SPEF2: variants seen among roughly 807,000 people sequenced by gnomAD.
SPEF2 encodes the protein sperm flagella and cilia-associated protein 2.
In SPEF2, 187 loss-of-function variants were observed where a neutral mutation model predicts 224.6. The ratio of observed to expected loss-of-function variants is 0.83; its 90% CI spans 0.74 to 0.94. The LOEUF (loss-of-function observed/expected upper bound fraction) is 0.94, where lower values mean the gene tolerates loss of function less well. Ranked by LOEUF, SPEF2 falls within the 40% of genes least tolerant of loss-of-function variation. The pLI is 0.00. For synonymous variants in SPEF2, 715 were observed against 707.3 expected (o/e 1.01, Z -0.17); for missense variants, 2,170 against 2,135.6 (o/e 1.02, Z -0.32).
chr5:35,660,139 C>T (rs546227504), intron 8 of SPEF2, among the ~76,000 whole-genome samples: 97 of 152,032 alleles, frequency 6.4e-4, no homozygotes, highest in Middle Eastern at 3.4e-3. Context: ...TTGTCCCAAA[C>T]TTTATGTATA....
chr5:35,786,771 T>C (rs1755203992), intron 30 of SPEF2, among the ~76,000 whole-genome samples: 1 of 152,052 alleles, frequency 6.6e-6, no homozygotes. Context: ...AGATATGAAA[T>C]CATGAAAACC....
Position 35,659,001 on chromosome 5 carries a change from T to C in SPEF2, c.979-18T>C, listed in dbSNP as rs1463661448. 3 of 1,499,362 alleles carry C rather than the reference T, an allele frequency of 2.0e-6. No homozygotes were observed. In the African/African-American group the frequency reaches 4.2e-5, roughly 21 times the overall value. The allele number at this position is 1,499,362 out of a possible 1,614,324, so 92.9% of individuals were successfully genotyped here. ...ATTTGGACGTCACTTTAACAAATAA[T>C]TCCCCTGGTGTTTTCAGGAGGCTTA... On this transcript the variant is annotated intron_variant, in intron 7 of 36. Transcript: ENST00000356031.
chr5:35,788,495 G>A lies in SPEF2; in HGVS notation c.4448-3845G>A, dbSNP rs546852103. On this transcript the variant is annotated intron_variant, in intron 30 of 36. Coordinates refer to ENST00000356031, the MANE Select transcript of SPEF2 (RefSeq NM_024867.4). Reference sequence around the variant, plus strand: ...CATAGACAGTTTAATCAAAGAAGCCGAACTTGTCTATGTGCAGTTTGCACA... The same window carrying A: ...CATAGACAGTTTAATCAAAGAAGCCAAACTTGTCTATGTGCAGTTTGCACA... 481 of 702,568 alleles carry A rather than the reference G, an allele frequency of 6.8e-4. 1 individual carries two copies. Among genetic ancestry groups the A allele is most frequent in the Non-Finnish European group, 1.1e-3 (417 of 384,880 alleles). The allele number at this position is 702,568 out of a possible 1,614,324, so 43.5% of individuals were successfully genotyped here.
chr5:35,777,074 G>A (rs947693373), intron 29 of SPEF2, among the ~76,000 whole-genome samples: 9 of 152,152 alleles, frequency 5.9e-5, no homozygotes, highest in African/African-American at 1.9e-4. Flanking sequence ...CTCCAGCCAG[G>A]CTATTTCAGA....
intron 12 of SPEF2, 65 bp from the exon 13 acceptor site, chr5:35,694,223 A>AAATT: frequency 8.1e-7 from 1 of 1,237,680 alleles, no homozygotes. Context: ...TAGATATAAA[A>AAATT]TTAGGAGGAT....
rs560447360 is a variant in SPEF2 at position 35,802,417 on chromosome 5, C to A, written c.5010+2270C>A. ...ACCTACGTGTGCTGGGGACCACTCT[C>A]GATTCGGGGGTATGGCAGTGAACAA... On this transcript the variant is annotated intron_variant, in intron 34 of 36. Transcript: ENST00000356031. Among the ~76,000 whole-genome samples the A allele has an allele frequency of 2.6e-5, 4 of 152,116 alleles. No homozygotes were observed. In the East Asian group the frequency reaches 7.7e-4, roughly 29 times the overall value.
intron 21 of SPEF2, among the ~76,000 whole-genome samples, chr5:35,738,950 C>A (rs1747118698): frequency 6.6e-6 from 1 of 152,068 alleles, no homozygotes; most frequent in Non-Finnish European, 1.5e-5. Flanking sequence ...CCAAGCTTTA[C>A]CAGCAATTTG....
At chr5:35,689,307 T>A (rs1262602533) in intron 10 of SPEF2, among the ~76,000 whole-genome samples, 2 of 152,192 alleles carry the variant, frequency 1.3e-5, no homozygotes, top group East Asian at 3.9e-4. Context: ...CATTTTCTTT[T>A]TCTTCCCGCT....
Position 35,691,274 on chromosome 5 carries a change from A to T in SPEF2, c.1744+18A>T, listed in dbSNP as rs763663759. On this transcript the variant is annotated intron_variant, in intron 11 of 36. Coordinates refer to ENST00000356031, the MANE Select transcript of SPEF2 (RefSeq NM_024867.4). ...ACAAAAAGGTAGAATTTCTTCTCCTACTCTCCCTGCCATTAGGTCCTATTT... is the reference window on the plus strand; with the variant it reads ...ACAAAAAGGTAGAATTTCTTCTCCTTCTCTCCCTGCCATTAGGTCCTATTT... 1 of 1,595,916 alleles carries T rather than the reference A, an allele frequency of 6.3e-7. No homozygotes were observed. The highest frequency in any genetic ancestry group is 8.6e-7 in the Non-Finnish European group (1 of 1,165,746).
intron 21 of SPEF2, among the ~76,000 whole-genome samples, chr5:35,730,539 A>G (rs1200987985): frequency 2.6e-5 from 4 of 152,386 alleles, no homozygotes; most frequent in East Asian, 1.9e-4. Flanking sequence ...GGCCAAAAGT[A>G]TAACTCAGAT....
intron 29 of SPEF2, among the ~76,000 whole-genome samples, chr5:35,777,732 C>G (rs995414174): frequency 3.3e-5 from 5 of 150,398 alleles, no homozygotes; most frequent in Non-Finnish European, 5.9e-5. Flanking sequence ...ATCCCTTTGA[C>G]CTTCAAATCC....
chr5:35,664,716 GA>G (rs1750210286), intron 8 of SPEF2, among the ~76,000 whole-genome samples: 1 of 147,042 alleles, frequency 6.8e-6, no homozygotes, highest in African/African-American at 2.6e-5. Flanking sequence ...GAGAGAGAGA[GA>G]GGGAGGGAGA....
Position 35,618,051 on chromosome 5 carries a change from C to A in SPEF2, c.54C>A (p.Thr18=). 1 of 1,583,906 alleles carries A rather than the reference C, an allele frequency of 6.3e-7. No homozygotes were observed. Among genetic ancestry groups the A allele is most frequent in the Non-Finnish European group, 8.6e-7 (1 of 1,162,434 alleles). ...ACAAGGAGTTGAAGGTGTCCCGGAC[C>A]GTGAGTGAGTGACCACGGCCAGGGG... ...WLNKELKVSR[T]VSPKSFAKAF... The change falls in exon 1 of 37, where the codon ACC becomes ACA. Residue 18 remains threonine, a synonymous_variant. Transcript: ENST00000356031.
At chr5:35,656,012 A>G (rs913280120) in intron 7 of SPEF2, among the ~76,000 whole-genome samples, 6 of 152,184 alleles carry the variant, frequency 3.9e-5, no homozygotes, top group African/African-American at 1.4e-4. Context: ...AAGTAGCTTT[A>G]AGAGCTATTT....
intron 30 of SPEF2, chr5:35,788,142 C>T (rs1409099018): frequency 1.6e-5 from 11 of 702,798 alleles, no homozygotes; most frequent in Non-Finnish European, 2.6e-5. Context: ...GAGGCTCATG[C>T]CAAGGCCTCA....
chr5:35,670,121 A>G lies in SPEF2; in HGVS notation c.1418A>G (p.Tyr473Cys), dbSNP rs1193436069. 1 of 1,612,244 alleles carries G rather than the reference A, an allele frequency of 6.2e-7. No homozygotes were observed. The highest frequency in any genetic ancestry group is 1.7e-5 in the Admixed American group (1 of 59,874). The change falls in exon 10 of 37, where the codon TAT (tyrosine) becomes TGT (cysteine). Residue 473 changes from tyrosine (Y) to cysteine (C), a missense_variant. By Grantham distance (194) the Tyr-to-Cys change is radical (BLOSUM62 -2). Transcript: ENST00000356031. ...CTATTTTTTAATGCAAAACCCATAT[A>G]TGAACAAGCCTCTGTTAAGACACTA... ...KELFFNAKPI[Y>C]EQASVKTLPA...
chr5:35,787,480 A>G (rs1053674280), intron 30 of SPEF2, among the ~76,000 whole-genome samples: 4 of 152,012 alleles, frequency 2.6e-5, no homozygotes, highest in African/African-American at 9.7e-5. Context: ...AGAGCATAGC[A>G]CTCCTTTCTT....
chr5:35,671,830 T>C (rs1751252409), intron 10 of SPEF2, among the ~76,000 whole-genome samples: 1 of 151,872 alleles, frequency 6.6e-6, no homozygotes, highest in Non-Finnish European at 1.5e-5. Context: ...CGTCTAGCAA[T>C]GTACTTTATT....
In SPEF2 at chr5:35,691,062, CAGA is replaced by C; in HGVS notation, c.1555_1557del (p.Glu519del). 1 of 1,613,690 alleles carries C rather than the reference CAGA, an allele frequency of 6.2e-7. No individual in the cohort carries two copies. The highest frequency in any genetic ancestry group is 8.5e-7 in the Non-Finnish European group (1 of 1,179,840). On this transcript the variant is annotated inframe_deletion, in exon 11 of 37. Transcript: ENST00000356031. Reference sequence around the variant, plus strand: ...AACATGGTTGGAGAGTGGGCCTTACCAGAAGAAATGGTTGACAATTTACCACCC... The same window carrying C: ...AACATGGTTGGAGAGTGGGCCTTACCAGAAATGGTTGACAATTTACCACCC...
Sources: gnomAD v4.1 joint callset for allele counts (sites outside exome capture counted in the v4.1 genomes callset) on GRCh38, gnomAD v4.1.1 for gene constraint, MANE v1.5 for transcripts, NCBI Gene and HGNC (gene_info 2026-07-23, HGNC 2026-07-21) for gene names.